The following GNA12 variants were observed in gnomAD, a reference collection of about 807,000 sequenced individuals.
GNA12 encodes G protein subunit alpha 12, also known as guanine nucleotide-binding protein subunit alpha-12.
A neutral mutation model predicts 26.0 loss-of-function variants in GNA12; 9 were observed. The ratio of observed to expected loss-of-function variants is 0.35; its 90% CI spans 0.21 to 0.60. GNA12 has a LOEUF of 0.60. Ranked by LOEUF, GNA12 falls within the 20% of genes least tolerant of loss-of-function variation. The pLI, the probability that GNA12 is intolerant of heterozygous loss-of-function variation, is 0.78. For synonymous variants in GNA12, 264 were observed against 219.6 expected, an observed-to-expected ratio of 1.20 and a Z score of -1.79; for missense variants, 405 against 525.8, an observed-to-expected ratio of 0.77 and a Z score of 2.25.
chr7:2,790,704 T>A (rs920015628), intron 2 of GNA12, among the ~76,000 whole-genome samples: 4 of 152,252 alleles, frequency 2.6e-5, no homozygotes, highest in African/African-American at 9.6e-5. Flanking sequence ...CCTGGTGGTA[T>A]GCACCTGTAA....
At chr7:2,830,962 A>C (rs74333588) in intron 1 of GNA12, among the ~76,000 whole-genome samples, 20 of 147,596 alleles carry the variant, frequency 1.4e-4, no homozygotes, top group Admixed American at 8.1e-4. Flanking sequence ...TGAAAAAAAA[A>C]CAAAAAACAA....
chr7:2,810,054 G>A (rs1433337861), intron 1 of GNA12, among the ~76,000 whole-genome samples: 1 of 152,216 alleles, frequency 6.6e-6, no homozygotes, highest in Non-Finnish European at 1.5e-5. Context: ...GTCAACCCCA[G>A]GAGGGGAGAG....
At chr7:2,789,998 G>C (rs980388085) in intron 2 of GNA12, among the ~76,000 whole-genome samples, 1 of 152,216 alleles carries the variant, frequency 6.6e-6, no homozygotes, top group Non-Finnish European at 1.5e-5. Context: ...GCATCCACGT[G>C]CATGCATACT....
At chr7:2,755,459 T>C (rs1274903785) in intron 2 of GNA12, among the ~76,000 whole-genome samples, 3 of 152,212 alleles carry the variant, frequency 2.0e-5, no homozygotes, top group African/African-American at 4.8e-5. Context: ...GTCCTCTAGA[T>C]GTTGTGTTAA....
chr7:2,820,353 G>A (rs1185371432), intron 1 of GNA12, among the ~76,000 whole-genome samples: 3 of 149,836 alleles, frequency 2.0e-5, no homozygotes, highest in African/African-American at 4.9e-5. Flanking sequence ...TGAATTGTAG[G>A]CTTTAAATGA....
intron 1 of GNA12, among the ~76,000 whole-genome samples, chr7:2,843,546 C>A (rs1372171365): frequency 4.6e-5 from 7 of 151,918 alleles, no homozygotes; most frequent in Non-Finnish European, 7.4e-5. Context: ...CTTCGGGAGG[C>A]TAAGGAGGGA....
chr7:2,757,416 C>T (rs889882525), intron 2 of GNA12, among the ~76,000 whole-genome samples: 4 of 152,092 alleles, frequency 2.6e-5, no homozygotes, highest in South Asian at 2.1e-4. Flanking sequence ...GGAGGAGCCA[C>T]GTGGCAAGGA....
intron 2 of GNA12, among the ~76,000 whole-genome samples, chr7:2,747,075 G>A (rs1441732853): frequency 1.3e-5 from 2 of 152,096 alleles, no homozygotes; most frequent in Non-Finnish European, 2.9e-5. Flanking sequence ...TTCAACAGCC[G>A]AATTCTACCA....
chr7:2,733,501 CCT>C lies in GNA12; in HGVS notation c.526-2_526-1del, dbSNP rs1303449099. 1.9e-6 allele frequency: 3 copies of C among 1,613,014 alleles called. No homozygotes were observed. Among genetic ancestry groups the C allele is most frequent in the Non-Finnish European group, 2.5e-6 (3 of 1,179,224 alleles). ...TCCAGGAAGTACTTCACCGACTCCC[CCT>C]GTCAGGAAGGAAGAATATTCACAGC... On this transcript the variant is annotated splice_acceptor_variant, in intron 2 of 3. Transcript: ENST00000275364. LOFTEE classifies it high-confidence loss of function.
At chr7:2,805,813 A>C (rs551824467) in intron 1 of GNA12, among the ~76,000 whole-genome samples, 6 of 152,328 alleles carry the variant, frequency 3.9e-5, no homozygotes, top group Non-Finnish European at 7.3e-5. Flanking sequence ...CAGACACTGA[A>C]AACACTCACT....
At chr7:2,780,011 T>C (rs1307248360) in intron 2 of GNA12, among the ~76,000 whole-genome samples, 1 of 146,656 alleles carries the variant, frequency 6.8e-6, no homozygotes, top group African/African-American at 2.5e-5. Context: ...TCAGTGGATG[T>C]ACTTACACCA....
chr7:2,805,333 T>C (rs546826835), intron 1 of GNA12, among the ~76,000 whole-genome samples: 27 of 152,354 alleles, frequency 1.8e-4, no homozygotes, highest in Admixed American at 2.0e-4. Context: ...TTATGCCCAT[T>C]TTACAAATGA....
intron 2 of GNA12, among the ~76,000 whole-genome samples, chr7:2,785,941 C>G (rs1792348516): frequency 6.6e-6 from 1 of 152,204 alleles, no homozygotes; most frequent in South Asian, 2.1e-4. Flanking sequence ...GTGGCGGACG[C>G]CTGTAATCCC....
chr7:2,818,253 G>A (rs1793260311), intron 1 of GNA12, among the ~76,000 whole-genome samples: 1 of 152,088 alleles, frequency 6.6e-6, no homozygotes, highest in African/African-American at 2.4e-5. Flanking sequence ...GACATCTGGG[G>A]GCTGGGGAAT....
rs1328252664 is a variant in GNA12 at position 2,731,607 on chromosome 7, C to A, written c.720G>T (p.Gln240His). 1.2e-6 allele frequency: 2 copies of A among 1,614,008 alleles called. No individual in the cohort carries two copies. The highest frequency in any genetic ancestry group is 1.7e-6 in the Non-Finnish European group (2 of 1,179,966). ...GQRSQRQKWF[Q>H]CFDGITSILF... ...GGATGGACGTGATCCCGTCGAAGCA[C>A]TGGAACCACTTCTGGCGCTGGGACC... Residue 240 changes from glutamine (Q) to histidine (H), a missense_variant, in exon 4 of 4, where the codon CAG (glutamine) becomes CAT (histidine). Transcript: ENST00000275364. This position sits in a 1 kb window ranked among gnomAD's most constrained non-coding sequence, Gnocchi z 6.0.
chr7:2,811,911 C>T (rs1170112567), intron 1 of GNA12, among the ~76,000 whole-genome samples: 1 of 152,212 alleles, frequency 6.6e-6, no homozygotes, highest in Non-Finnish European at 1.5e-5. Flanking sequence ...GTCCCATGTC[C>T]CCGTCCATCT....
chr7:2,813,647 G>A (rs189489778), intron 1 of GNA12, among the ~76,000 whole-genome samples: 3 of 152,274 alleles, frequency 2.0e-5, no homozygotes, highest in African/African-American at 7.2e-5. Flanking sequence ...AATGGAAATG[G>A]AGGCAATCGC....
chr7:2,751,190 C>T (rs530713546), intron 2 of GNA12, among the ~76,000 whole-genome samples: 2 of 151,906 alleles, frequency 1.3e-5, no homozygotes, highest in Non-Finnish European at 2.9e-5. Flanking sequence ...GAGTTCAAGA[C>T]CTGGGCAACA....
At chr7:2,747,274 A>C (rs533717529) in intron 2 of GNA12, among the ~76,000 whole-genome samples, 7 of 152,358 alleles carry the variant, frequency 4.6e-5, no homozygotes, top group South Asian at 4.1e-4. Context: ...ATCCTCAATA[A>C]AATACTGGAA....
Sources: allele counts gnomAD v4.1 joint callset (sites outside exome capture counted in the v4.1 genomes callset), GRCh38; gene constraint gnomAD v4.1.1; non-coding constraint Gnocchi (gnomAD v3.1); transcripts MANE v1.5; gene names NCBI Gene and HGNC (gene_info 2026-07-23, HGNC 2026-07-21).